Variants in SOS1 observed in about 807,000 individuals in gnomAD.
The protein encoded by SOS1 is SOS Ras/Rac guanine nucleotide exchange factor 1.
SOS1 carries 25 observed loss-of-function variants against 157.6 expected under a neutral mutation model. The ratio of observed to expected loss-of-function variants is 0.16; its 90% CI spans 0.12 to 0.22. The LOEUF (loss-of-function observed/expected upper bound fraction) is 0.22, where lower values mean the gene tolerates loss of function less well. Ranked by LOEUF, SOS1 falls within the 10% of genes least tolerant of loss-of-function variation. The probability of loss-of-function intolerance (pLI) is 1.00; values close to 1 mark genes in which losing one functional copy is unlikely to be tolerated. For missense variants in SOS1, 1,237 were observed against 1,599.1 expected (o/e 0.77, Z 3.86); for synonymous variants, 528 against 534.0 (o/e 0.99, Z 0.16).
At chr2:39,069,494 C>G (rs1671723696) in intron 1 of SOS1, among the ~76,000 whole-genome samples, 1 of 152,088 alleles carries the variant, frequency 6.6e-6, no homozygotes, top group South Asian at 2.1e-4. Flanking sequence ...TTGTAACAAT[C>G]CAGAACTGCA....
chr2:39,014,811 T>C lies in SOS1; in HGVS notation c.1894A>G (p.Arg632Gly). The stretch of plus-strand genomic sequence containing the variant: ...AGTTCTTGAGGTTTGCAAAAGGATC[T>C]GTATGTTGTAAGAAATGTCCGAACA... ...NFVRTFLTTY[R>G]SFCKPQELLS... Residue 632 changes from arginine (R) to glycine (G), a missense_variant, in exon 11 of 23, where the codon AGA becomes GGA. By Grantham distance (125) the Arg-to-Gly change is moderately radical. Transcript: ENST00000402219. 1 of 1,601,388 alleles carries C rather than the reference T, an allele frequency of 6.2e-7. No individual in the cohort carries two copies. Among genetic ancestry groups the C allele is most frequent in the Non-Finnish European group, 8.6e-7 (1 of 1,168,954 alleles).
rs1242784187 is a variant in SOS1 at position 39,074,365 on chromosome 2, A to G, written c.88-6612T>C. 4.0e-5 allele frequency among the ~76,000 whole-genome samples: 6 copies of G among 151,162 alleles called. No homozygotes were observed. In the East Asian group the frequency reaches 9.7e-4, roughly 25 times the overall value. On this transcript the variant is annotated intron_variant, in intron 1 of 22. Coordinates refer to ENST00000402219, the MANE Select transcript of SOS1 (RefSeq NM_005633.4). ...ATTGCATCTCAGAAAAAAGAAAAAA[A>G]AAAAAAAATAGACCAGCCTGGCCAA...
At chr2:39,106,729 G>C (rs1454876328) in intron 1 of SOS1, among the ~76,000 whole-genome samples, 1 of 152,074 alleles carries the variant, frequency 6.6e-6, no homozygotes, top group East Asian at 1.9e-4. Flanking sequence ...ACATTCTGAG[G>C]AATTTCATTC....
chr2:39,114,523 G>C (rs966730793), intron 1 of SOS1, among the ~76,000 whole-genome samples: 2 of 151,826 alleles, frequency 1.3e-5, no homozygotes, highest in Admixed American at 6.6e-5. Context: ...GGCTGGTATC[G>C]AACTCCTGAC....
At chr2:39,088,400 G>T (rs1393869700) in intron 1 of SOS1, among the ~76,000 whole-genome samples, 1 of 150,134 alleles carries the variant, frequency 6.7e-6, no homozygotes, top group East Asian at 2.0e-4. Flanking sequence ...TGACATTGTT[G>T]TGCAACCATC....
At chr2:39,002,637 A>T (rs1195314523) in intron 17 of SOS1, among the ~76,000 whole-genome samples, 3 of 152,228 alleles carry the variant, frequency 2.0e-5, no homozygotes, top group Non-Finnish European at 2.9e-5. Flanking sequence ...AGATTGAATG[A>T]CATACCGTCA....
chr2:39,017,908 T>C (rs533363252), intron 10 of SOS1, among the ~76,000 whole-genome samples: 1 of 152,080 alleles, frequency 6.6e-6, no homozygotes, highest in African/African-American at 2.4e-5. Flanking sequence ...TTTATCTTAC[T>C]GATGATGTAA....
intron 4 of SOS1, among the ~76,000 whole-genome samples, chr2:39,056,217 C>A (rs1671204603): frequency 6.6e-6 from 1 of 152,188 alleles, no homozygotes; most frequent in East Asian, 1.9e-4. Context: ...GAGTTCGAGA[C>A]CAGCCTGACC....
chr2:38,994,605 C>T (rs1298193301), intron 20 of SOS1, among the ~76,000 whole-genome samples: 1 of 152,190 alleles, frequency 6.6e-6, no homozygotes, highest in Non-Finnish European at 1.5e-5. Flanking sequence ...TTACATCATA[C>T]TTACTGGTTT....
At chr2:39,109,083 T>C in intron 1 of SOS1, among the ~76,000 whole-genome samples, 1 of 152,034 alleles carries the variant, frequency 6.6e-6, no homozygotes, top group Non-Finnish European at 1.5e-5. Context: ...TCTGCTGTCC[T>C]ACCTACTCAG....
intron 10 of SOS1, 35 bp from the exon 11 acceptor site, chr2:39,014,881 CTA>C (rs1669582209): frequency 9.3e-7 from 1 of 1,074,484 alleles, no homozygotes; most frequent in Non-Finnish European, 1.4e-6. Flanking sequence ...TTATTAAACT[CTA>C]TGATTCAAAA....
intron 1 of SOS1, among the ~76,000 whole-genome samples, chr2:39,086,203 G>A (rs1024598692): frequency 7.2e-5 from 11 of 152,226 alleles, no homozygotes; most frequent in Non-Finnish European, 1.2e-4. Flanking sequence ...GTTGAAAGCT[G>A]AAGGGTGAGC....
At chr2:39,109,877 T>C (rs1649438181) in intron 1 of SOS1, among the ~76,000 whole-genome samples, 1 of 152,112 alleles carries the variant, frequency 6.6e-6, no homozygotes, top group East Asian at 1.9e-4. Context: ...TTCAAAAAGA[T>C]CTAGAAATAC....
chr2:39,042,864 A>T (rs970188021), intron 6 of SOS1, among the ~76,000 whole-genome samples: 3 of 152,090 alleles, frequency 2.0e-5, no homozygotes, highest in African/African-American at 7.2e-5. Flanking sequence ...TAATGCTACC[A>T]ATTTTTACAG....
intron 1 of SOS1, among the ~76,000 whole-genome samples, chr2:39,120,074 A>G (rs1673807775): frequency 6.6e-6 from 1 of 152,126 alleles, no homozygotes; most frequent in Non-Finnish European, 1.5e-5. Flanking sequence ...CCTGGAATCA[A>G]AGGGCAAAGC....
chr2:39,046,110 T>G (rs527428809), intron 6 of SOS1, among the ~76,000 whole-genome samples: 2 of 152,238 alleles, frequency 1.3e-5, no homozygotes, highest in Non-Finnish European at 2.9e-5. Flanking sequence ...TTGGATTTTT[T>G]TATATCATAT....
intron 1 of SOS1, chr2:39,082,548 G>C (rs905898143): frequency 1.6e-4 from 24 of 152,186 alleles, no homozygotes; most frequent in African/African-American, 5.3e-4. Flanking sequence ...TTAGAGTACA[G>C]GTTGAAATCT....
intron 20 of SOS1, chr2:38,992,955 T>C (rs1334212213): frequency 3.3e-5 from 5 of 152,016 alleles, no homozygotes; most frequent in South Asian, 2.1e-4. Context: ...CATGACTCCA[T>C]GGCGGGGCAC....
At chr2:39,050,879 T>C (rs1670990171) in intron 6 of SOS1, among the ~76,000 whole-genome samples, 1 of 152,146 alleles carries the variant, frequency 6.6e-6, no homozygotes, top group Non-Finnish European at 1.5e-5. Flanking sequence ...TTCTTAACGT[T>C]TTACAGTAGG....
Sources: gnomAD v4.1 joint callset for allele counts (sites outside exome capture counted in the v4.1 genomes callset) on GRCh38, gnomAD v4.1.1 for gene constraint, MANE v1.5 for transcripts, NCBI Gene and HGNC (gene_info 2026-07-23, HGNC 2026-07-21) for gene names.